Variants in MSN observed in about 807,000 individuals in gnomAD.
The protein encoded by MSN is epididymis luminal protein 70.
A neutral mutation model predicts 48.0 loss-of-function variants in MSN; 2 were observed. That is an observed-to-expected ratio of 0.04 (90% CI 0.02 to 0.13). The LOEUF is 0.13. Ranked by LOEUF, MSN falls within the 10% of genes least tolerant of loss-of-function variation. The pLI is 1.00. For synonymous variants in MSN, 146 were observed against 166.9 expected (o/e 0.87, Z 0.97); for missense variants, 267 against 470.1 (o/e 0.57, Z 3.99).
At chrX:65,705,361 GTGTCAGCCCA>G in intron 1 of MSN, among the ~76,000 whole-genome samples, 1 of 111,879 alleles carries the variant, frequency 8.9e-6, no homozygotes, top group East Asian at 2.8e-4. Context: ...AGGAGCTGGT[GTGTCAGCCCA>G]TGTGCCTAAG....
intron 1 of MSN, among the ~76,000 whole-genome samples, chrX:65,598,910 C>T (rs945847164): frequency 8.9e-6 from 1 of 111,865 alleles, no homozygotes; most frequent in South Asian, 3.7e-4. Context: ...TTCTATTACA[C>T]AGCACTTTTG....
Position 65,703,437 on chromosome X carries a change from T to C in MSN, c.13-13381T>C, listed in dbSNP as rs746351390. ...AAGCTCAAAATGCTGAGACCATTAT[T>C]TCCAGGACAAGGGCTCCTGGGTTTT... On this transcript the variant is annotated intron_variant, in intron 1 of 12. Transcript: ENST00000360270. 2.7e-4 allele frequency among the ~76,000 whole-genome samples: 30 copies of C among 111,344 alleles called. 1 individual carries two copies. Among genetic ancestry groups the C allele is most frequent in the Non-Finnish European group, 4.7e-4 (25 of 53,081 alleles).
rs1341385924 is a variant in MSN at position 65,739,952 on chromosome X, C to T, written c.*59C>T. The T allele has an allele frequency of 5.5e-6, 6 of 1,082,031 alleles. No individual in the cohort carries two copies. The highest frequency in any genetic ancestry group is 4.9e-5 in the Admixed American group (2 of 40,543). The allele number at this position is 1,082,031 out of a possible 1,213,427, so 89.2% of individuals were successfully genotyped here. The stretch of plus-strand genomic sequence containing the variant: ...TTTTCCTTGTCCCCACACTCCTACA[C>T]CTAACTCACCTAACTCATACTGTGC... On this transcript the variant is annotated 3_prime_UTR_variant, in exon 13 of 13. Coordinates refer to ENST00000360270, the MANE Select transcript of MSN (RefSeq NM_002444.3).
At chrX:65,685,635 A>G (rs1169276935) in intron 1 of MSN, among the ~76,000 whole-genome samples, 1 of 111,798 alleles carries the variant, frequency 8.9e-6, no homozygotes, top group Non-Finnish European at 1.9e-5. Flanking sequence ...TTGCTCTGTC[A>G]CCCAGGTTGG....
intron 1 of MSN, among the ~76,000 whole-genome samples, chrX:65,651,561 T>TTTATTATTATTATTATTA (rs35256397): frequency 2.9e-4 from 27 of 94,503 alleles, no homozygotes; most frequent in African/African-American, 1.1e-3. Context: ...AGAAGTAATA[T>TTTATTATTATTATTATTA]TTATTATTAT....
chrX:65,601,226 C>T (rs2070232664), intron 1 of MSN, among the ~76,000 whole-genome samples: 1 of 111,641 alleles, frequency 9.0e-6, no homozygotes, highest in South Asian at 3.7e-4. Flanking sequence ...CCCCTCTGGG[C>T]CTCAGTGCTC....
chrX:65,725,745 C>G (rs910342514), intron 2 of MSN, among the ~76,000 whole-genome samples: 4 of 111,950 alleles, frequency 3.6e-5, no homozygotes, highest in Middle Eastern at 4.6e-3. Context: ...ATTCTGGAAG[C>G]CTTTTGAACT....
intron 1 of MSN, among the ~76,000 whole-genome samples, chrX:65,627,578 T>C (rs758676116): frequency 2.3e-4 from 26 of 111,069 alleles, no homozygotes; most frequent in Non-Finnish European, 4.9e-4. Context: ...TCCCCCTGGG[T>C]CCCATTGTGG....
At chrX:65,602,486 GCTCTCCAGCTCCACTCTCCAGCTCCA>G (rs111700081) in intron 1 of MSN, among the ~76,000 whole-genome samples, 2 of 108,539 alleles carry the variant, frequency 1.8e-5, no homozygotes, top group Admixed American at 9.7e-5. Context: ...ATGGAGGAAT[GCTCTCCAGCTCCACTCTCCAGCTCCA>G]CTCTCCAGCT....
At chrX:65,623,380 T>C (rs926416519) in intron 1 of MSN, among the ~76,000 whole-genome samples, 9 of 108,537 alleles carry the variant, frequency 8.3e-5, no homozygotes, top group South Asian at 3.8e-4. Context: ...TTTTTTTTTT[T>C]TTTTACATTG....
At chrX:65,640,602 A>G (rs900000785) in intron 1 of MSN, among the ~76,000 whole-genome samples, 2 of 111,377 alleles carry the variant, frequency 1.8e-5, no homozygotes, top group African/African-American at 6.5e-5. Flanking sequence ...GGATAACACT[A>G]GCTTCTCCAA....
chrX:65,617,555 C>T (rs1191395678), intron 1 of MSN, among the ~76,000 whole-genome samples: 3 of 101,130 alleles, frequency 3.0e-5, no homozygotes, highest in African/African-American at 1.2e-4. Context: ...TGGTGATATC[C>T]CCTTTATCAT....
At chrX:65,629,105 C>T (rs751771848) in intron 1 of MSN, among the ~76,000 whole-genome samples, 3 of 110,457 alleles carry the variant, frequency 2.7e-5, no homozygotes, top group South Asian at 3.9e-4. Flanking sequence ...TAACAGTACC[C>T]AAGTCACCTC....
chrX:65,704,207 G>C (rs1208219662), intron 1 of MSN, among the ~76,000 whole-genome samples: 1 of 112,262 alleles, frequency 8.9e-6, no homozygotes, highest in Non-Finnish European at 1.9e-5. Context: ...GTGAAGCCCA[G>C]CTAGGTGTGG....
intron 1 of MSN, among the ~76,000 whole-genome samples, chrX:65,703,702 G>C (rs1490590071): frequency 8.9e-6 from 1 of 111,815 alleles, no homozygotes; most frequent in African/African-American, 3.3e-5. Context: ...GTAAGTATTA[G>C]TAGCTGGGAC....
intron 2 of MSN, among the ~76,000 whole-genome samples, chrX:65,724,307 G>A (rs183129272): frequency 3.0e-3 from 328 of 111,183 alleles, no homozygotes; most frequent in African/African-American, 9.8e-3. Flanking sequence ...ACCACACCCA[G>A]CTAATTTTCT....
At chrX:65,618,261 T>C (rs2070395817) in intron 1 of MSN, among the ~76,000 whole-genome samples, 1 of 111,370 alleles carries the variant, frequency 9.0e-6, no homozygotes, top group African/African-American at 3.3e-5. Context: ...CTGGGTATCC[T>C]TGCTGACTTT....
At chrX:65,620,947 G>A (rs1290966180) in intron 1 of MSN, among the ~76,000 whole-genome samples, 3 of 107,374 alleles carry the variant, frequency 2.8e-5, no homozygotes, top group African/African-American at 1.0e-4. Context: ...TGTTTTTGAG[G>A]TGGAGTCTCC....
Position 65,736,879 on chromosome X carries a change from G to T in MSN, c.1044G>T (p.Met348Ile). 8.4e-7 allele frequency: 1 copy of T among 1,196,246 alleles called. No homozygotes were observed. Among genetic ancestry groups the T allele is most frequent in the Non-Finnish European group, 1.1e-6 (1 of 886,682 alleles). ...EKIEREKEEL[M>I]ERLKQIEEQT... is the part of the protein sequence containing the mutation. ...TTGAACGGGAGAAGGAGGAGCTGAT[G>T]GAGAGGCTGAAGCAGATCGAGGAAC... is the stretch of plus-strand genomic sequence containing the variant. Residue 348 changes from methionine to isoleucine, a missense_variant, in exon 9 of 13, where the codon ATG (methionine) becomes ATT (isoleucine). This residue lies in a region of MSN where 70 missense variants were observed against 76.3 expected (regional missense o/e 0.92). Coordinates refer to ENST00000360270, the MANE Select transcript of MSN (RefSeq NM_002444.3).
Sources: allele counts gnomAD v4.1 joint callset (sites outside exome capture counted in the v4.1 genomes callset), GRCh38; gene constraint gnomAD v4.1.1; regional missense constraint gnomAD v4.1.1; transcripts MANE v1.5; gene names NCBI Gene and HGNC (gene_info 2026-07-23, HGNC 2026-07-21).